MACF1: variants seen among roughly 807,000 people sequenced by gnomAD.
The protein encoded by MACF1 is microtubule actin crosslinking factor 1.
A neutral mutation model predicts 854.8 loss-of-function variants in MACF1; 193 were observed. The ratio of observed to expected loss-of-function variants is 0.23; its 90% CI spans 0.20 to 0.25. The LOEUF (loss-of-function observed/expected upper bound fraction) is 0.25. Ranked by LOEUF, MACF1 falls within the 10% of genes least tolerant of loss-of-function variation. The pLI, the probability that MACF1 is intolerant of heterozygous loss-of-function variation, is 1.00. For synonymous variants in MACF1, 3,185 were observed against 3,226.7 expected (o/e 0.99, Z 0.44); for missense variants, 7,722 against 8,929.1 (o/e 0.86, Z 5.45).
intron 5 of MACF1, 65 bp downstream of exon 5, chr1:39,254,440 A>AT (rs1385428350): frequency 7.0e-7 from 1 of 1,426,324 alleles, no homozygotes; most frequent in East Asian, 2.3e-5. Context: ...CTATTCAGAG[A>AT]TGTTTTTAGT....
chr1:39,319,241 ATACT>A (rs1646468454), intron 30 of MACF1, among the ~76,000 whole-genome samples: 1 of 152,156 alleles, frequency 6.6e-6, no homozygotes. Flanking sequence ...TACATGTAAA[ATACT>A]TAGAATAGTG....
In MACF1 at chr1:39,334,972, T is replaced by C; in HGVS notation, c.8384T>C (p.Ile2795Thr). 2 of 1,614,178 alleles carry C rather than the reference T, an allele frequency of 1.2e-6. No homozygotes were observed. Among genetic ancestry groups the C allele is most frequent in the Non-Finnish European group, 1.7e-6 (2 of 1,180,014 alleles). The change falls in exon 37 of 101, where the codon ATT becomes ACT. Residue 2795 changes from isoleucine to threonine, a missense_variant. This residue lies in a region of MACF1 where 1,531 missense variants were observed against 1,601.6 expected (regional missense o/e 0.96). Coordinates refer to ENST00000564288, the MANE Select transcript of MACF1 (RefSeq NM_001394062.1). ...GAATTTCTAGGAAAGGATATGTTAA[T>C]TGCTTGTAATCAGACTGCTGAAATG... ...QNEFLGKDML[I>T]ACNQTAEMSC...
rs754369298 is a variant in MACF1 at position 39,318,593 on chromosome 1, C to T, written c.3923C>T (p.Ser1308Leu). 111 of 1,612,140 alleles carry T rather than the reference C, an allele frequency of 6.9e-5. 1 individual carries two copies. In the South Asian group the frequency reaches 7.3e-4, roughly 11 times the overall value. The change falls in exon 30 of 101, where the codon TCG becomes TTG. Residue 1308 changes from serine to leucine, a missense_variant. Physicochemically the swap from Ser to Leu is moderately radical, Grantham distance 145. Transcript: ENST00000564288. ...PGQAEDSRVL[S>L]EQLSQQTALF... ...CAGGCAGAGGATAGCAGAGTGCTTT[C>T]GGAGCAGCTCAGCCAGCAGACGGTG...
At chr1:39,238,529 G>A (rs1644885199) in intron 2 of MACF1, among the ~76,000 whole-genome samples, 1 of 152,186 alleles carries the variant, frequency 6.6e-6, no homozygotes, top group African/African-American at 2.4e-5. Context: ...ACCGTTGGAG[G>A]AACTGAATCA....
chr1:39,261,554 A>G (rs1645163765), intron 6 of MACF1, among the ~76,000 whole-genome samples: 1 of 152,212 alleles, frequency 6.6e-6, no homozygotes, highest in Admixed American at 6.5e-5. Context: ...ATGGAATCCT[A>G]TGATAGATGG....
At position 39,333,186 on chromosome 1, in the gene MACF1, C is replaced by A. The variant is rs1034727480; in HGVS notation, c.6598C>A (p.Gln2200Lys). The A allele has an allele frequency of 3.7e-6, 6 of 1,612,644 alleles. No individual in the cohort carries two copies. The Admixed American group carries it at 8.4e-5, about 23-fold the overall frequency. The change falls in exon 37 of 101, where the codon CAA becomes AAA. Residue 2200 changes from glutamine to lysine, a missense_variant. Gln to Lys is a moderately conservative substitution (Grantham distance 53, BLOSUM62 1). Coordinates refer to ENST00000564288, the MANE Select transcript of MACF1 (RefSeq NM_001394062.1). ...SHIKPQSKKL[Q>K]VQVKKTLGIK... ...CATAAAACCCCAAAGCAAAAAGTTA[C>A]AAGTTCAGGTAAAGAAAACTCTAGG... is the stretch of plus-strand genomic sequence containing the variant.
chr1:39,118,310 C>T (rs1571062295), intron 2 of MACF1, among the ~76,000 whole-genome samples: 1 of 151,318 alleles, frequency 6.6e-6, no homozygotes, highest in African/African-American at 2.4e-5. Flanking sequence ...GCCTGAGTCA[C>T]CTCTAGAGGG....
At chr1:39,293,435 C>T (rs774599990) in intron 17 of MACF1, 23 bp from the exon 18 acceptor site, 1 of 1,598,416 alleles carries the variant, frequency 6.3e-7, no homozygotes, top group African/African-American at 1.3e-5. Flanking sequence ...CCAGTCTAAT[C>T]TTATAATCCT....
rs1645667615 is a variant in MACF1 at position 39,287,494 on chromosome 1, A to G, written c.1717A>G (p.Ser573Gly). 1 of 1,614,100 alleles carries G rather than the reference A, an allele frequency of 6.2e-7. No individual in the cohort carries two copies. The highest frequency in any genetic ancestry group is 8.5e-7 in the Non-Finnish European group (1 of 1,180,046). Residue 573 changes from serine (S) to glycine (G), a missense_variant, in exon 15 of 101, where the codon AGC (serine) becomes GGC (glycine). Transcript: ENST00000564288. ...PMTRAELVAI[S>G]SSEDEGNLRF... ...GACTCGGGCTGAACTTGTGGCCATC[A>G]GCTCCTCTGAAGATGAAGGCAATCT...
chr1:39,125,692 T>G (rs1404074865), intron 2 of MACF1, among the ~76,000 whole-genome samples: 1 of 152,198 alleles, frequency 6.6e-6, no homozygotes, highest in Non-Finnish European at 1.5e-5. Context: ...ATCTTTTTGA[T>G]TTTAGATTAA....
chr1:39,408,333 C>T (rs1215961758), intron 58 of MACF1, among the ~76,000 whole-genome samples: 6 of 152,192 alleles, frequency 3.9e-5, no homozygotes, highest in African/African-American at 1.4e-4. Flanking sequence ...TATCCAATAA[C>T]TTTGGTCTCT....
At position 39,452,757 on chromosome 1, in the gene MACF1, G is replaced by A. The variant is rs1278057282; in HGVS notation, c.20687G>A (p.Arg6896Gln). The A allele has an allele frequency of 2.5e-6, 4 of 1,614,020 alleles. No homozygotes were observed. Among genetic ancestry groups the A allele is most frequent in the South Asian group, 1.1e-5 (1 of 91,060 alleles). ...LSEAEQTLRF[R>Q]GALPDDTEAL... is the part of the protein sequence containing the mutation. Reference sequence around the variant, plus strand: ...GAAGCAGAGCAAACGCTTCGCTTTCGGGGAGCACTTCCTGATGACACAGAG... The same window carrying A: ...GAAGCAGAGCAAACGCTTCGCTTTCAGGGAGCACTTCCTGATGACACAGAG... The change falls in exon 87 of 101, where the codon CGG (arginine) becomes CAG (glutamine). Residue 6896 changes from arginine (R) to glutamine (Q), a missense_variant. Around this residue, in one of 15 missense-constraint regions of MACF1, gnomAD observed 729 missense variants for 900.5 expected, o/e 0.81. Coordinates refer to ENST00000564288, the MANE Select transcript of MACF1 (RefSeq NM_001394062.1).
chr1:39,311,121 GTTC>G, intron 26 of MACF1, 121 bp downstream of exon 26: 1 of 1,085,646 alleles, frequency 9.2e-7, no homozygotes, highest in Non-Finnish European at 1.3e-6. Flanking sequence ...CTTCTCAGGA[GTTC>G]TTCTTGCAGT....
chr1:39,427,624 GGTTACAGTAAATGAAAATA>G lies in MACF1; in HGVS notation c.16476+12_16476+30del. The G allele has an allele frequency of 3.1e-6, 5 of 1,604,968 alleles. No individual in the cohort carries two copies. The highest frequency in any genetic ancestry group is 4.2e-6 in the Non-Finnish European group (5 of 1,177,068). On this transcript the variant is annotated intron_variant, in intron 62 of 100. Coordinates refer to ENST00000564288, the MANE Select transcript of MACF1 (RefSeq NM_001394062.1). ...GATCATTCGGCACAAGGTAGGGAGT[GGTTACAGTAAATGAAAATA>G]GAAAACTGGAATTAGAAATCCTAGA...
In MACF1 at chr1:39,442,774, A is replaced by T. The variant is rs372134963; in HGVS notation, c.19165A>T (p.Asn6389Tyr). 6.2e-7 allele frequency: 1 copy of T among 1,614,052 alleles called. No homozygotes were observed. The highest frequency in any genetic ancestry group is 8.5e-7 in the Non-Finnish European group (1 of 1,180,026). Residue 6389 changes from asparagine (N) to tyrosine (Y), a missense_variant, in exon 78 of 101, where the codon AAT becomes TAT. Physicochemically the swap from Asn to Tyr is moderately radical, Grantham distance 143. Around this residue, in one of 15 missense-constraint regions of MACF1, gnomAD observed 729 missense variants for 900.5 expected, o/e 0.81. Transcript: ENST00000564288. ...ATVETVNKAG[N>Y]ELLESSAGDD... ...AGTGGAAACAGTCAACAAAGCTGGC[A>T]ATGAGCTTCTTGAATCCAGTGCTGG...
intron 5 of MACF1, among the ~76,000 whole-genome samples, chr1:39,256,727 T>C (rs1308908274): frequency 6.6e-6 from 1 of 151,796 alleles, no homozygotes; most frequent in Non-Finnish European, 1.5e-5. Flanking sequence ...TCAGGGCACA[T>C]TGAGTTGTTG....
At chr1:39,411,726 G>T in intron 58 of MACF1, 1 of 1,613,848 alleles carries the variant, frequency 6.2e-7, no homozygotes, top group Non-Finnish European at 8.5e-7. Flanking sequence ...TTGAGCTACA[G>T]AATCAAATCT....
intron 58 of MACF1, chr1:39,413,878 C>T (rs779852215): frequency 1.9e-6 from 3 of 1,609,660 alleles, no homozygotes; most frequent in African/African-American, 1.3e-5. Flanking sequence ...AGTGCCCACC[C>T]CTGCAGCTAT....
chr1:39,176,126 A>AAAAAAAAAAAAAAAAAAAAAAAC (rs1398154427), intron 2 of MACF1, among the ~76,000 whole-genome samples: 2 of 129,504 alleles, frequency 1.5e-5, no homozygotes, highest in Non-Finnish European at 3.4e-5. Flanking sequence ...AAAAAAAAAA[A>AAAAAAAAAAAAAAAAAAAAAAAC]AGCCAGGTGT....
Sources: gnomAD v4.1 joint callset for allele counts (sites outside exome capture counted in the v4.1 genomes callset) on GRCh38, gnomAD v4.1.1 for gene constraint, gnomAD v4.1.1 regional missense constraint, MANE v1.5 for transcripts, NCBI Gene and HGNC (gene_info 2026-07-23, HGNC 2026-07-21) for gene names.